PRKAA2: variants seen among roughly 807,000 people sequenced by gnomAD.
The protein encoded by PRKAA2 is protein kinase AMP-activated catalytic subunit alpha 2.
A neutral mutation model predicts 56.3 loss-of-function variants in PRKAA2; 40 were observed. That is an observed-to-expected ratio of 0.71 (90% CI 0.55 to 0.92). The LOEUF (loss-of-function observed/expected upper bound fraction) is 0.92, where lower values mean the gene tolerates loss of function less well. Ranked by LOEUF, PRKAA2 falls within the 40% of genes least tolerant of loss-of-function variation. PRKAA2 has a pLI of 0.00. For synonymous variants in PRKAA2, 214 were observed against 234.2 expected (o/e 0.91, Z 0.79); for missense variants, 542 against 686.9 (o/e 0.79, Z 2.36).
At chr1:56,674,030 CAA>C (rs1644096062) in intron 1 of PRKAA2, among the ~76,000 whole-genome samples, 1 of 152,088 alleles carries the variant, frequency 6.6e-6, no homozygotes, top group Admixed American at 6.6e-5. Flanking sequence ...AGAAGAGAAA[CAA>C]AGAGATTAAT....
At chr1:56,694,917 C>T (rs1027194453) in intron 5 of PRKAA2, among the ~76,000 whole-genome samples, 2 of 151,916 alleles carry the variant, frequency 1.3e-5, no homozygotes, top group African/African-American at 4.8e-5. Context: ...TAAAGATTTA[C>T]TTTGTTACCT....
chr1:56,699,559 C>A (rs1196168225), intron 6 of PRKAA2, among the ~76,000 whole-genome samples: 1 of 152,146 alleles, frequency 6.6e-6, no homozygotes, highest in East Asian at 1.9e-4. Context: ...AATTAGAAAT[C>A]AAATTTAGAT....
At chr1:56,694,316 T>C (rs1458290157) in intron 5 of PRKAA2, among the ~76,000 whole-genome samples, 1 of 152,194 alleles carries the variant, frequency 6.6e-6, no homozygotes, top group East Asian at 1.9e-4. Context: ...TAGTTACTCA[T>C]AACTTATTCA....
intron 1 of PRKAA2, among the ~76,000 whole-genome samples, chr1:56,667,072 A>G (rs1261196064): frequency 1.3e-5 from 2 of 152,212 alleles, no homozygotes; most frequent in African/African-American, 4.8e-5. Context: ...TCTTACTACT[A>G]AAGTATTTCA....
chr1:56,701,600 A>T (rs2100434327), intron 6 of PRKAA2, among the ~76,000 whole-genome samples: 1 of 152,262 alleles, frequency 6.6e-6, no homozygotes, highest in African/African-American at 2.4e-5. Flanking sequence ...TATGGTCACT[A>T]TTTCAAGAAG....
chr1:56,647,643 T>C (rs991413889), intron 1 of PRKAA2, among the ~76,000 whole-genome samples: 8 of 152,228 alleles, frequency 5.3e-5, no homozygotes, highest in Admixed American at 4.6e-4. Flanking sequence ...TACCATGGTT[T>C]CCTATCCAAG....
At chr1:56,666,915 C>T (rs1326642859) in intron 1 of PRKAA2, among the ~76,000 whole-genome samples, 1 of 152,124 alleles carries the variant, frequency 6.6e-6, no homozygotes, top group Non-Finnish European at 1.5e-5. Context: ...TCAGTGGAGC[C>T]TCCATTCTAT....
intron 6 of PRKAA2, among the ~76,000 whole-genome samples, chr1:56,701,881 G>T (rs577200855): frequency 6.6e-6 from 1 of 151,164 alleles, no homozygotes; most frequent in Admixed American, 6.6e-5. Flanking sequence ...GTGACTGAGC[G>T]AGACTCTGTC....
At chr1:56,689,728 G>T (rs1312826491) in intron 2 of PRKAA2, among the ~76,000 whole-genome samples, 1 of 151,736 alleles carries the variant, frequency 6.6e-6, no homozygotes, top group South Asian at 2.1e-4. Context: ...TCAAACAAAA[G>T]AAAAAAAGTA....
At chr1:56,675,606 C>A (rs1443204305) in intron 2 of PRKAA2, among the ~76,000 whole-genome samples, 1 of 151,980 alleles carries the variant, frequency 6.6e-6, no homozygotes, top group African/African-American at 2.4e-5. Flanking sequence ...TATATAAATT[C>A]CTTTTAAAGA....
chr1:56,645,538 G>A, intron 1 of PRKAA2, 57 bp downstream of exon 1: 2 of 1,396,700 alleles, frequency 1.4e-6, no homozygotes, highest in Admixed American at 2.6e-5. Flanking sequence ...GGAGGCCGAG[G>A]GGAGAGGCGG....
intron 6 of PRKAA2, 140 bp from the exon 7 acceptor site, chr1:56,703,831 G>T: frequency 1.1e-6 from 1 of 913,860 alleles, no homozygotes; most frequent in East Asian, 2.5e-5. Flanking sequence ...AACTTGCTCA[G>T]GATCACATAG....
At chr1:56,702,660 C>T (rs1644304701) in intron 6 of PRKAA2, among the ~76,000 whole-genome samples, 1 of 152,180 alleles carries the variant, frequency 6.6e-6, no homozygotes, top group Non-Finnish European at 1.5e-5. Flanking sequence ...GGTCTTTGCA[C>T]ATATTGTTTC....
Position 56,659,227 on chromosome 1 carries a change from G to A in PRKAA2, c.94+13746G>A, listed in dbSNP as rs560355274. On this transcript the variant is annotated intron_variant, in intron 1 of 8. Transcript: ENST00000371244. ...AGTATTTTATTGGCTGGGCACGGTG[G>A]CTCATGCCTGTAATCCTAGCACTTA... Among the ~76,000 whole-genome samples the A allele has an allele frequency of 2.4e-3, 369 of 151,840 alleles. 2 individuals are homozygous for A. The highest frequency in any genetic ancestry group is 4.1e-3 in the Non-Finnish European group (280 of 67,926).
At chr1:56,650,090 G>A (rs971712212) in intron 1 of PRKAA2, among the ~76,000 whole-genome samples, 20 of 151,212 alleles carry the variant, frequency 1.3e-4, no homozygotes, top group African/African-American at 3.6e-4. Context: ...GCGAGACTCC[G>A]TCTTAAAAAA....
intron 1 of PRKAA2, among the ~76,000 whole-genome samples, chr1:56,662,623 G>C (rs1050353506): frequency 1.7e-4 from 26 of 152,084 alleles, no homozygotes; most frequent in Non-Finnish European, 3.8e-4. Flanking sequence ...TCAAGGTCAA[G>C]ATACTTTTGT....
chr1:56,665,889 C>T (rs187256667), intron 1 of PRKAA2, among the ~76,000 whole-genome samples: 12 of 152,168 alleles, frequency 7.9e-5, no homozygotes, highest in African/African-American at 1.9e-4. Flanking sequence ...TTGTAATGCC[C>T]GGACCTTGAC....
chr1:56,682,380 A>G (rs1263368429), intron 2 of PRKAA2, among the ~76,000 whole-genome samples: 2 of 152,224 alleles, frequency 1.3e-5, no homozygotes, highest in Non-Finnish European at 2.9e-5. Context: ...GGTTTGACCT[A>G]AGACCTAAAG....
At chr1:56,672,513 G>A (rs1644084739) in intron 1 of PRKAA2, among the ~76,000 whole-genome samples, 1 of 152,130 alleles carries the variant, frequency 6.6e-6, no homozygotes, top group Non-Finnish European at 1.5e-5. Context: ...ACTGGCATAT[G>A]GGTGATAATT....
Sources: gnomAD v4.1 joint callset for allele counts (sites outside exome capture counted in the v4.1 genomes callset) on GRCh38, gnomAD v4.1.1 for gene constraint, MANE v1.5 for transcripts, NCBI Gene and HGNC (gene_info 2026-07-23, HGNC 2026-07-21) for gene names.